The following MDM2 variants were observed in gnomAD, a reference collection of about 807,000 sequenced individuals.
MDM2 encodes E3 ubiquitin-protein ligase Mdm2.
Under a neutral mutation model 64.3 loss-of-function variants are expected in MDM2, and 11 were observed. The observed-to-expected ratio is 0.17, with a 90% CI of 0.11 to 0.28. MDM2 has a LOEUF of 0.28. MDM2 is among the 10% of genes least tolerant of loss of function. The pLI, the probability that MDM2 is intolerant of heterozygous loss-of-function variation, is 1.00. For synonymous variants in MDM2, 194 were observed against 192.9 expected, an observed-to-expected ratio of 1.01 and a Z score of -0.05; for missense variants, 388 against 577.1, an observed-to-expected ratio of 0.67 and a Z score of 3.36.
chr12:68,833,152 AT>A (rs1882959007), intron 8 of MDM2, among the ~76,000 whole-genome samples: 86 of 67,964 alleles, frequency 1.3e-3, no homozygotes, highest in Admixed American at 4.3e-3. Flanking sequence ...AAAAAAAAAT[AT>A]ATATATATAT....
chr12:68,842,134 G>T lies in MDM2; in HGVS notation c.*2285G>T. 8.9e-6 allele frequency: 4 copies of T among 447,782 alleles called. No homozygotes were observed. Among genetic ancestry groups the T allele is most frequent in the Non-Finnish European group, 1.7e-5 (4 of 231,982 alleles). 27.7% of individuals were successfully genotyped at this position (447,782 alleles called of 1,614,324 possible). A position where few individuals can be genotyped will look rare whatever the true frequency, so the allele number is the denominator to read the frequency against. ...AGTGGATTTGAATTTGAAAAATATAGTAACAAGCCTGTCAAATATCTGCAA... is the reference window on the plus strand; with the variant it reads ...AGTGGATTTGAATTTGAAAAATATATTAACAAGCCTGTCAAATATCTGCAA... On this transcript the variant is annotated 3_prime_UTR_variant, in exon 11 of 11. Coordinates refer to ENST00000258149, the MANE Select transcript of MDM2 (RefSeq NM_002392.6).
chr12:68,810,455 AATTATT>A (rs1053857790), intron 2 of MDM2, among the ~76,000 whole-genome samples: 4 of 151,838 alleles, frequency 2.6e-5, no homozygotes, highest in African/African-American at 9.7e-5. Context: ...ACCAATCTTT[AATTATT>A]ATTATTATTA....
chr12:68,821,341 C>T (rs186382183), intron 5 of MDM2, among the ~76,000 whole-genome samples: 16 of 152,130 alleles, frequency 1.1e-4, no homozygotes, highest in Middle Eastern at 3.4e-3. Flanking sequence ...CCACTGCACC[C>T]GGTCTCACAG....
intron 3 of MDM2, chr12:68,815,676 C>A (rs904057030): frequency 2.4e-6 from 1 of 408,568 alleles, no homozygotes; most frequent in Non-Finnish European, 4.9e-6. Flanking sequence ...CTCCTGGGCT[C>A]AAGGGATCTG....
At chr12:68,829,404 G>A (rs1272486414) in intron 8 of MDM2, among the ~76,000 whole-genome samples, 1 of 152,156 alleles carries the variant, frequency 6.6e-6, no homozygotes, top group Non-Finnish European at 1.5e-5. Flanking sequence ...AGTCAGCATA[G>A]TCTGAACTTA....
chr12:68,838,995 A>G, intron 10 of MDM2, among the ~76,000 whole-genome samples: 1 of 152,196 alleles, frequency 6.6e-6, no homozygotes, highest in Non-Finnish European at 1.5e-5. Context: ...ACTACAGTCA[A>G]GCAAATTAAT....
intron 3 of MDM2, chr12:68,815,640 A>G (rs1358766276): frequency 1.9e-5 from 8 of 416,734 alleles, no homozygotes; most frequent in Non-Finnish European, 2.9e-5. Flanking sequence ...ATGGAGTTTC[A>G]CTATGTTGCC....
At chr12:68,817,786 A>C (rs1359718967) in intron 4 of MDM2, among the ~76,000 whole-genome samples, 1 of 151,848 alleles carries the variant, frequency 6.6e-6, no homozygotes, top group African/African-American at 2.4e-5. Context: ...TATTTTTCTA[A>C]AATTATTCTT....
intron 10 of MDM2, among the ~76,000 whole-genome samples, chr12:68,837,398 C>T (rs1883398722): frequency 6.6e-6 from 1 of 151,402 alleles, no homozygotes; most frequent in African/African-American, 2.4e-5. Context: ...CCTGCCCTGT[C>T]TTCCAGGCTG....
intron 7 of MDM2, 75 bp downstream of exon 7, chr12:68,824,726 G>A: frequency 1.0e-6 from 1 of 961,414 alleles, no homozygotes. Flanking sequence ...AGTGCTTTTA[G>A]ACTTAATTAA....
chr12:68,837,956 AT>A (rs1189888701), intron 10 of MDM2, among the ~76,000 whole-genome samples: 2 of 152,234 alleles, frequency 1.3e-5, no homozygotes, highest in Non-Finnish European at 2.9e-5. Flanking sequence ...TAAATAACTA[AT>A]TGAATCATTT....
intron 8 of MDM2, among the ~76,000 whole-genome samples, chr12:68,832,576 A>T (rs907512137): frequency 1.3e-5 from 2 of 152,028 alleles, no homozygotes; most frequent in African/African-American, 4.8e-5. Flanking sequence ...GCAGCGCATG[A>T]TCATGGCTTA....
Position 68,833,140 on chromosome 12 carries a change from AAAAAAAAAAAT to A in MDM2, c.685-2687_685-2677del, listed in dbSNP as rs1421365142. 2.3e-4 allele frequency among the ~76,000 whole-genome samples: 28 copies of A among 119,832 alleles called. 1 individual carries two copies. Among genetic ancestry groups the A allele is most frequent in the African/African-American group, 9.3e-4 (28 of 30,208 alleles). 78.6% of individuals were successfully genotyped at this position (119,832 alleles called of 152,430 possible). ...GACTCTGTCTCCAAAAAAAAAAAAA[AAAAAAAAAAAT>A]ATATATATATATATATTTATATTTA... On this transcript the variant is annotated intron_variant, in intron 8 of 10. Transcript: ENST00000258149.
chr12:68,842,367 G>C lies in MDM2; in HGVS notation c.*2518G>C, dbSNP rs1284714063. The C allele has an allele frequency of 1.8e-5, 9 of 494,860 alleles. No homozygotes were observed. Among genetic ancestry groups the C allele is most frequent in the Non-Finnish European group, 3.2e-5 (8 of 250,204 alleles). 30.7% of individuals were successfully genotyped at this position (494,860 alleles called of 1,614,324 possible). On this transcript the variant is annotated 3_prime_UTR_variant, in exon 11 of 11. Coordinates refer to ENST00000258149, the MANE Select transcript of MDM2 (RefSeq NM_002392.6). ...ATGATATAACAGTTAACAGGATGCAGACATGGCAGAGGTTTCCTAAAAATC... is the reference window on the plus strand; with the variant it reads ...ATGATATAACAGTTAACAGGATGCACACATGGCAGAGGTTTCCTAAAAATC...
downstream of MDM2, chr12:68,848,428 G>C (rs1196283390): frequency 6.6e-6 from 1 of 152,168 alleles, no homozygotes; most frequent in Admixed American, 6.5e-5. Flanking sequence ...GCCTCCCAAA[G>C]TGCTGGGATT....
rs1884157529 is a variant in MDM2 at position 68,845,014 on chromosome 12, C to T, written c.*5165C>T. 4 of 197,244 alleles carry T rather than the reference C, an allele frequency of 2.0e-5. No homozygotes were observed. The highest frequency in any genetic ancestry group is 1.8e-3 in the Middle Eastern group (1 of 568). 12.2% of individuals were successfully genotyped at this position (197,244 alleles called of 1,614,324 possible). Reference sequence around the variant, plus strand: ...AACTCCTGACCTCAAGTGATCTGCCCGCCTTGGCCCCCCAAAGTGCTGTGA... The same window carrying T: ...AACTCCTGACCTCAAGTGATCTGCCTGCCTTGGCCCCCCAAAGTGCTGTGA... On this transcript the variant is annotated 3_prime_UTR_variant, in exon 11 of 11. Coordinates refer to ENST00000258149, the MANE Select transcript of MDM2 (RefSeq NM_002392.6).
At chr12:68,824,295 T>A in intron 5 of MDM2, 68 bp from the exon 6 acceptor site, 1 of 1,054,660 alleles carries the variant, frequency 9.5e-7, no homozygotes, top group Non-Finnish European at 1.4e-6. Context: ...TGATAGCATA[T>A]CTACTGAGTA....
intron 2 of MDM2, among the ~76,000 whole-genome samples, chr12:68,810,307 T>C (rs1880754739): frequency 7.8e-6 from 1 of 128,048 alleles, no homozygotes; most frequent in African/African-American, 2.6e-5. Flanking sequence ...CGAAACTCCG[T>C]CTAAAAAAAA....
At chr12:68,812,819 T>C (rs1463145220) in intron 2 of MDM2, among the ~76,000 whole-genome samples, 1 of 152,216 alleles carries the variant, frequency 6.6e-6, no homozygotes, top group Non-Finnish European at 1.5e-5. Flanking sequence ...ATAGTAGCCA[T>C]GCTTTTTACT....
Sources: allele counts gnomAD v4.1 joint callset (sites outside exome capture counted in the v4.1 genomes callset), GRCh38; gene constraint gnomAD v4.1.1; transcripts MANE v1.5; gene names NCBI Gene and HGNC (gene_info 2026-07-23, HGNC 2026-07-21).